Variants in PCDHGA12 observed in about 807,000 individuals in gnomAD.
The protein encoded by PCDHGA12 is protocadherin gamma subfamily A, 12.
Under a neutral mutation model 61.1 loss-of-function variants are expected in PCDHGA12, and 43 were observed. The observed-to-expected ratio is 0.70, with a 90% confidence interval of 0.55 to 0.91. The LOEUF (loss-of-function observed/expected upper bound fraction) is 0.91. Ranked by LOEUF, PCDHGA12 falls within the 40% of genes least tolerant of loss-of-function variation. PCDHGA12 has a pLI of 0.00. For missense variants in PCDHGA12, 1,236 were observed against 1,227.7 expected, an observed-to-expected ratio of 1.01 and a Z score of -0.10; for synonymous variants, 520 against 542.9, an observed-to-expected ratio of 0.96 and a Z score of 0.59.
chr5:141,451,007 T>A (rs2098704118), intron 1 of PCDHGA12, among the ~76,000 whole-genome samples: 1 of 151,594 alleles, frequency 6.6e-6, no homozygotes, highest in Non-Finnish European at 1.5e-5. Flanking sequence ...TTGTATTTTT[T>A]TTAGTAGAGA....
intron 3 of PCDHGA12, among the ~76,000 whole-genome samples, chr5:141,505,973 G>A (rs1207489923): frequency 6.6e-6 from 1 of 152,166 alleles, no homozygotes; most frequent in Non-Finnish European, 1.5e-5. Context: ...ATCCCCAGCC[G>A]AGAGAACACC....
chr5:141,478,146 T>C (rs1457995929), intron 1 of PCDHGA12: 1 of 1,613,978 alleles, frequency 6.2e-7, no homozygotes, highest in Non-Finnish European at 8.5e-7. Context: ...CGAGCCGAGT[T>C]CCCCTCTGGC....
chr5:141,485,226 T>C lies in PCDHGA12; in HGVS notation c.2425-9581T>C. ...GAAATCTGGCGGTGGGCTACCCTTT[T>C]GTTCCTCTTTTACCACCTGGGTTAC... On this transcript the variant is annotated intron_variant, in intron 1 of 3. Transcript: ENST00000252085. The surrounding 1 kb of genome is among the most constrained non-coding windows in gnomAD (Gnocchi z 5.7). 1.9e-6 allele frequency: 3 copies of C among 1,614,170 alleles called. No homozygotes were observed. Among genetic ancestry groups the C allele is most frequent in the Non-Finnish European group, 2.5e-6 (3 of 1,180,026 alleles).
Position 141,493,435 on chromosome 5 carries a change from G to T in PCDHGA12, c.2425-1372G>T, listed in dbSNP as rs150678406. On this transcript the variant is annotated intron_variant, in intron 1 of 3. Coordinates refer to ENST00000252085, the MANE Select transcript of PCDHGA12 (RefSeq NM_003735.3). The surrounding 1 kb of genome is among the most constrained non-coding windows in gnomAD (Gnocchi z 4.3). ...TGGGATTTTGCTTCTGCTGGGATGG[G>T]GCAAGGGTGGGGTTCCTTCCCTTTT... Among the ~76,000 whole-genome samples the T allele has an allele frequency of 6.6e-5, 10 of 152,294 alleles. No individual in the cohort carries two copies. In the East Asian group the frequency reaches 1.7e-3, roughly 26 times the overall value.
rs2099705703 is a variant in PCDHGA12, at chr5:141,490,886, C to A, written c.2425-3921C>A. On this transcript the variant is annotated intron_variant, in intron 1 of 3. Transcript: ENST00000252085. This position sits in a 1 kb window ranked among gnomAD's most constrained non-coding sequence, Gnocchi z 5.4. The stretch of plus-strand genomic sequence containing the variant: ...TCTCCCCCATTGCATGCCAACACAT[C>A]TCTGCATGTGTTTGTCCTAGACGAG... The A allele has an allele frequency of 6.2e-7, 1 of 1,613,406 alleles. No homozygotes were observed. Among genetic ancestry groups the A allele is most frequent in the East Asian group, 2.2e-5 (1 of 44,878 alleles).
At position 141,491,154 on chromosome 5, in the gene PCDHGA12, C is replaced by T. The variant is rs773308291; in HGVS notation, c.2425-3653C>T. ...CAGCCCGGGCCTTACTGGAGGATGACTCTGACACCCAGCAGGTGGTGGTCC... is the reference window on the plus strand; with the variant it reads ...CAGCCCGGGCCTTACTGGAGGATGATTCTGACACCCAGCAGGTGGTGGTCC... On this transcript the variant is annotated intron_variant, in intron 1 of 3. Coordinates refer to ENST00000252085, the MANE Select transcript of PCDHGA12 (RefSeq NM_003735.3). The surrounding 1 kb of genome is among the most constrained non-coding windows in gnomAD (Gnocchi z 6.9). The T allele has an allele frequency of 6.2e-7, 1 of 1,614,162 alleles. No homozygotes were observed. The highest frequency in any genetic ancestry group is 1.7e-5 in the Admixed American group (1 of 60,026).
intron 1 of PCDHGA12, among the ~76,000 whole-genome samples, chr5:141,456,857 G>A (rs957526443): frequency 6.6e-5 from 10 of 152,234 alleles, no homozygotes; most frequent in African/African-American, 2.4e-4. Context: ...CAGCTAATTG[G>A]GAGGCTGAGG....
chr5:141,467,233 A>G (rs1009794220), intron 1 of PCDHGA12, among the ~76,000 whole-genome samples: 1 of 151,564 alleles, frequency 6.6e-6, no homozygotes, highest in South Asian at 2.1e-4. Flanking sequence ...TTGTATTTTT[A>G]GTAGAGATGG....
chr5:141,498,616 G>T (rs1202866176), intron 2 of PCDHGA12, among the ~76,000 whole-genome samples: 1 of 152,138 alleles, frequency 6.6e-6, no homozygotes, highest in East Asian at 1.9e-4. Flanking sequence ...AGTCAGCACT[G>T]GGTCACACTG....
At position 141,511,076 on chromosome 5, in the gene PCDHGA12, A is replaced by G. The variant is rs201009079; in HGVS notation, c.2702A>G (p.Asn901Ser). 19 of 1,614,218 alleles carry G rather than the reference A, an allele frequency of 1.2e-5. No individual in the cohort carries two copies. In the East Asian group the frequency reaches 3.6e-4, roughly 30 times the overall value. ...CAGAATGTCTACATCCCAGGCAGCA[A>G]TGCCACACTGACCAACGCAGCTGGC... ...YRQNVYIPGS[N>S]ATLTNAAGKR... Residue 901 changes from asparagine (N) to serine (S), a missense_variant, in exon 4 of 4, where the codon AAT (asparagine) becomes AGT (serine). Coordinates refer to ENST00000252085, the MANE Select transcript of PCDHGA12 (RefSeq NM_003735.3).
In PCDHGA12 at chr5:141,487,737, T is replaced by G. The variant is rs1019622307; in HGVS notation, c.2425-7070T>G. 1 of 1,563,758 alleles carries G rather than the reference T, an allele frequency of 6.4e-7. No homozygotes were observed. The highest frequency in any genetic ancestry group is 8.7e-7 in the Non-Finnish European group (1 of 1,152,772). On this transcript the variant is annotated intron_variant, in intron 1 of 3. Transcript: ENST00000252085. This position sits in a 1 kb window ranked among gnomAD's most constrained non-coding sequence, Gnocchi z 5.0. ...GCCCATAGTGATGTCACCATTTTTG[T>G]AAGAGGTAACTATGTGGTAGACGCT...
intron 1 of PCDHGA12, among the ~76,000 whole-genome samples, chr5:141,480,960 A>G (rs954219522): frequency 1.3e-5 from 2 of 152,190 alleles, no homozygotes; most frequent in African/African-American, 4.8e-5. Context: ...CGGAAGCATC[A>G]GTGAGGGAGA....
chr5:141,468,067 G>A (rs560511893), intron 1 of PCDHGA12, among the ~76,000 whole-genome samples: 34 of 152,032 alleles, frequency 2.2e-4, no homozygotes, highest in Non-Finnish European at 4.0e-4. Flanking sequence ...GCTCACACCT[G>A]TAATCCCAGC....
Position 141,432,732 on chromosome 5 carries a change from T to G in PCDHGA12, c.1973T>G (p.Val658Gly), listed in dbSNP as rs1300743675. 2.5e-6 allele frequency: 4 copies of G among 1,613,940 alleles called. No individual in the cohort carries two copies. Among genetic ancestry groups the G allele is most frequent in the Non-Finnish European group, 3.4e-6 (4 of 1,179,992 alleles). Residue 658 changes from valine to glycine, a missense_variant, in exon 1 of 4, where the codon GTC becomes GGC. Physicochemically the swap from Val to Gly is moderately radical, Grantham distance 109. Coordinates refer to ENST00000252085, the MANE Select transcript of PCDHGA12 (RefSeq NM_003735.3). This position sits in a 1 kb window ranked among gnomAD's most constrained non-coding sequence, Gnocchi z 6.0. ...GGCCAGCCCCCTCTCTCCGCCACTG[T>G]CACGCTCACCGTGGCCGTGGCCGAC... The part of the protein sequence containing the change: ...DHGQPPLSAT[V>G]TLTVAVADSI...
intron 1 of PCDHGA12, among the ~76,000 whole-genome samples, chr5:141,455,732 A>G (rs1056074268): frequency 6.6e-6 from 1 of 152,190 alleles, no homozygotes; most frequent in Non-Finnish European, 1.5e-5. Context: ...CTGCATTTGC[A>G]TATCAAAGGT....
intron 1 of PCDHGA12, among the ~76,000 whole-genome samples, chr5:141,474,726 A>G (rs549082085): frequency 6.6e-6 from 1 of 152,358 alleles, no homozygotes; most frequent in South Asian, 2.1e-4. Flanking sequence ...AAAGGACTCT[A>G]TGCAATCAAA....
At chr5:141,484,873 G>A (rs754469397) in intron 1 of PCDHGA12, 50 of 322,006 alleles carry the variant, frequency 1.6e-4, no homozygotes, top group Non-Finnish European at 2.5e-4. Flanking sequence ...GAGCGTGGAG[G>A]ATAGGGTGGG....
chr5:141,470,035 G>A lies in PCDHGA12; in HGVS notation c.2425-24772G>A, dbSNP rs761812438. ...TCCCAGCTACTCGGGATGCTGAGGC[G>A]CGAGAACTGTTTGAACCCCGGAGGC... On this transcript the variant is annotated intron_variant, in intron 1 of 3. Transcript: ENST00000252085. Among the ~76,000 whole-genome samples, 97 of 152,224 alleles carry A rather than the reference G, an allele frequency of 6.4e-4. 2 individuals carry two copies. Among genetic ancestry groups the A allele is most frequent in the East Asian group, 1.2e-3 (6 of 5,170 alleles).
In PCDHGA12 at chr5:141,432,695, G is replaced by A. The variant is rs1275179569; in HGVS notation, c.1936G>A (p.Val646Ile). ...DALKQSLVVA[V>I]QDHGQPPLSA... is the part of the protein sequence containing the mutation. ...GCTCAAGCAGAGCCTCGTAGTGGCC[G>A]TCCAGGACCACGGCCAGCCCCCTCT... The change falls in exon 1 of 4, where the codon GTC (valine) becomes ATC (isoleucine). Residue 646 changes from valine to isoleucine, a missense_variant. Physicochemically the swap from Val to Ile is conservative, Grantham distance 29. Coordinates refer to ENST00000252085, the MANE Select transcript of PCDHGA12 (RefSeq NM_003735.3). This position sits in a 1 kb window ranked among gnomAD's most constrained non-coding sequence, Gnocchi z 6.0. The A allele has an allele frequency of 3.1e-6, 5 of 1,613,822 alleles. No homozygotes were observed. The highest frequency in any genetic ancestry group is 1.7e-5 in the Admixed American group (1 of 60,002).
Sources: gnomAD v4.1 joint callset for allele counts (sites outside exome capture counted in the v4.1 genomes callset) on GRCh38, gnomAD v4.1.1 for gene constraint, Gnocchi (gnomAD v3.1) non-coding constraint, MANE v1.5 for transcripts, NCBI Gene and HGNC (gene_info 2026-07-23, HGNC 2026-07-21) for gene names.